The following GRM5 variants were observed in gnomAD, a reference collection of about 807,000 sequenced individuals.
GRM5 encodes the protein metabotropic glutamate receptor 5.
A neutral mutation model predicts 83.1 loss-of-function variants in GRM5; 19 were observed. The ratio of observed to expected loss-of-function variants is 0.23; its 90% CI spans 0.16 to 0.34. The LOEUF (loss-of-function observed/expected upper bound fraction) is 0.34, where lower values mean the gene tolerates loss of function less well. GRM5 is among the 10% of genes least tolerant of loss of function. GRM5 has a pLI of 1.00. For missense variants in GRM5, 1,160 were observed against 1,588.3 expected (o/e 0.73, Z 4.58); for synonymous variants, 675 against 633.6 (o/e 1.07, Z -0.98).
chr11:88,706,867 TA>T (rs1402894829), intron 3 of GRM5, among the ~76,000 whole-genome samples: 1 of 152,102 alleles, frequency 6.6e-6, no homozygotes, highest in Admixed American at 6.6e-5. Context: ...GGTACTTAGT[TA>T]AAATGACAAA....
intron 3 of GRM5, among the ~76,000 whole-genome samples, chr11:88,788,358 T>A (rs1943112544): frequency 6.6e-6 from 1 of 152,084 alleles, no homozygotes; most frequent in Admixed American, 6.6e-5. Flanking sequence ...TCAGGGATCC[T>A]GAGAGGGATT....
chr11:88,611,841 T>C (rs1490843636), intron 4 of GRM5, among the ~76,000 whole-genome samples: 1 of 152,112 alleles, frequency 6.6e-6, no homozygotes, highest in Non-Finnish European at 1.5e-5. Context: ...TGATTCCAAC[T>C]TTTTGATGTA....
intron 3 of GRM5, among the ~76,000 whole-genome samples, chr11:88,726,294 T>A (rs147497741): frequency 0.048 from 7,345 of 152,172 alleles, 166 homozygotes; most frequent in Middle Eastern, 0.082. Flanking sequence ...TATCAGAGAT[T>A]GAAGATCAAC....
At chr11:88,590,843 A>C in intron 6 of GRM5, 116 bp from the exon 7 acceptor site, 1 of 610,202 alleles carries the variant, frequency 1.6e-6, no homozygotes, top group Non-Finnish European at 2.8e-6. Context: ...ATTATTTTAA[A>C]TGTTTTCAGA....
At chr11:88,935,720 C>T (rs921250408) in intron 2 of GRM5, among the ~76,000 whole-genome samples, 1 of 151,812 alleles carries the variant, frequency 6.6e-6, no homozygotes, top group African/African-American at 2.4e-5. Flanking sequence ...TGAAGACCTT[C>T]AAAGGAATAC....
intron 2 of GRM5, among the ~76,000 whole-genome samples, chr11:88,913,183 G>T (rs1257954608): frequency 6.6e-5 from 10 of 152,218 alleles, no homozygotes; most frequent in African/African-American, 2.2e-4. Context: ...ATGTTAGAAG[G>T]TAATGGCCAG....
intron 2 of GRM5, among the ~76,000 whole-genome samples, chr11:88,947,487 AG>A (rs1938317491): frequency 6.6e-6 from 1 of 151,802 alleles, no homozygotes; most frequent in Non-Finnish European, 1.5e-5. Context: ...ATGGAGGTTT[AG>A]GTACCTAAAA....
chr11:88,997,333 TAA>T (rs371168643), intron 2 of GRM5, among the ~76,000 whole-genome samples: 8 of 119,934 alleles, frequency 6.7e-5, no homozygotes, highest in Admixed American at 8.6e-5. Context: ...GTCTCAAAAT[TAA>T]AAAAAAAAAA....
intron 7 of GRM5, among the ~76,000 whole-genome samples, chr11:88,573,537 G>A (rs1287520109): frequency 6.6e-6 from 1 of 152,170 alleles, no homozygotes; most frequent in East Asian, 1.9e-4. Context: ...GGAAGTTGCT[G>A]TTTAGAATCT....
chr11:88,808,023 T>C (rs1943525855), intron 3 of GRM5, among the ~76,000 whole-genome samples: 1 of 152,034 alleles, frequency 6.6e-6, no homozygotes, highest in Admixed American at 6.6e-5. Flanking sequence ...TATAAATTTC[T>C]AGATACTGGT....
At chr11:89,016,564 T>C (rs537695959) in intron 2 of GRM5, among the ~76,000 whole-genome samples, 2 of 152,306 alleles carry the variant, frequency 1.3e-5, no homozygotes, top group South Asian at 4.1e-4. Flanking sequence ...GTTATTTAAG[T>C]GTCCCTGAAA....
chr11:89,045,656 G>A (rs565545495), intron 2 of GRM5, among the ~76,000 whole-genome samples: 2 of 152,180 alleles, frequency 1.3e-5, no homozygotes, highest in South Asian at 2.1e-4. Flanking sequence ...AAAAGCCAAA[G>A]GTCATGACTA....
chr11:88,821,914 C>A (rs1384208348), intron 3 of GRM5, among the ~76,000 whole-genome samples: 1 of 151,838 alleles, frequency 6.6e-6, no homozygotes, highest in Non-Finnish European at 1.5e-5. Flanking sequence ...TTATTGAATA[C>A]TGGAGTTCCC....
At chr11:88,517,736 C>T (rs955745094) in intron 9 of GRM5, among the ~76,000 whole-genome samples, 2 of 152,080 alleles carry the variant, frequency 1.3e-5, no homozygotes, top group Non-Finnish European at 2.9e-5. Context: ...ACATGTCAGG[C>T]GGTTCCCATT....
At chr11:88,792,380 G>T (rs1222982344) in intron 3 of GRM5, among the ~76,000 whole-genome samples, 5 of 151,996 alleles carry the variant, frequency 3.3e-5, no homozygotes, top group African/African-American at 9.7e-5. Context: ...CATCTTTGGT[G>T]CCCAATCTCT....
chr11:88,748,890 AAAC>A (rs1337475289), intron 3 of GRM5, among the ~76,000 whole-genome samples: 1 of 152,142 alleles, frequency 6.6e-6, no homozygotes, highest in Non-Finnish European at 1.5e-5. Flanking sequence ...ACCAAACCGA[AAAC>A]AACAACAATA....
intron 3 of GRM5, among the ~76,000 whole-genome samples, chr11:88,687,816 A>G (rs1468049909): frequency 6.6e-6 from 1 of 150,854 alleles, no homozygotes; most frequent in African/African-American, 2.4e-5. Context: ...ACTAAACTCT[A>G]TATGAGAAAA....
At chr11:88,964,779 A>G (rs527841858) in intron 2 of GRM5, among the ~76,000 whole-genome samples, 7 of 152,278 alleles carry the variant, frequency 4.6e-5, no homozygotes, top group Non-Finnish European at 8.8e-5. Flanking sequence ...AAATAAGAAT[A>G]GGAATTATAT....
intron 2 of GRM5, among the ~76,000 whole-genome samples, chr11:88,998,295 A>G (rs1317505495): frequency 6.6e-6 from 1 of 152,194 alleles, no homozygotes; most frequent in East Asian, 1.9e-4. Flanking sequence ...ATATTTGAAA[A>G]TCAATCAATG....
Sources: gnomAD v4.1 joint callset for allele counts (sites outside exome capture counted in the v4.1 genomes callset) on GRCh38, gnomAD v4.1.1 for gene constraint, MANE v1.5 for transcripts, NCBI Gene and HGNC (gene_info 2026-07-23, HGNC 2026-07-21) for gene names.